Variants in NUP153 observed in about 807,000 individuals in gnomAD.
NUP153 encodes nuclear pore complex protein Nup153.
Under a neutral mutation model 134.6 loss-of-function variants are expected in NUP153, and 27 were observed. The observed-to-expected ratio is 0.20, with a 90% CI of 0.15 to 0.28. NUP153 has a LOEUF of 0.28. Ranked by LOEUF, NUP153 falls within the 10% of genes least tolerant of loss-of-function variation. The pLI, the probability that NUP153 is intolerant of heterozygous loss-of-function variation, is 1.00. For missense variants in NUP153, 1,821 were observed against 1,731.3 expected, an observed-to-expected ratio of 1.05 and a Z score of -0.92; for synonymous variants, 640 against 623.5, an observed-to-expected ratio of 1.03 and a Z score of -0.40.
At chr6:17,624,924 G>A in intron 19 of NUP153, 91 bp from the exon 20 acceptor site, 1 of 1,323,174 alleles carries the variant, frequency 7.6e-7, no homozygotes, top group South Asian at 1.6e-5. Context: ...CAAATGTCAA[G>A]CTTCGTTTCA....
chr6:17,616,572 G>C lies in NUP153; in HGVS notation c.4298C>G (p.Ser1433Trp). The change falls in exon 21 of 22, where the codon TCG (serine) becomes TGG (tryptophan). Residue 1433 changes from serine to tryptophan, a missense_variant. Ser to Trp is a radical substitution (Grantham distance 177). Transcript: ENST00000262077. ...TPAASAQPSGSGGFPFNQSPA... is the reference protein window; with the variant it reads ...TPAASAQPSGWGGFPFNQSPA... ...AGACTGGTTAAATGGAAAGCCCCCC[G>C]AGCCTGAAGGCTGGGCTGAGGCTGC... 3 of 1,614,066 alleles carry C rather than the reference G, an allele frequency of 1.9e-6. No individual in the cohort carries two copies. The highest frequency in any genetic ancestry group is 2.5e-6 in the Non-Finnish European group (3 of 1,179,960).
In NUP153 at chr6:17,706,606, G is replaced by A. The variant is rs1463461592; in HGVS notation, c.-219C>T. 2 of 575,256 alleles carry A rather than the reference G, an allele frequency of 3.5e-6. No individual in the cohort carries two copies. Among genetic ancestry groups the A allele is most frequent in the Admixed American group, 3.2e-5 (1 of 31,468 alleles). The allele number at this position is 575,256 out of a possible 1,614,324, so 35.6% of individuals were successfully genotyped here. A position where few individuals can be genotyped will look rare whatever the true frequency, so the allele number is the denominator to read the frequency against. On this transcript the variant is annotated 5_prime_UTR_variant, in exon 1 of 22. Coordinates refer to ENST00000262077, the MANE Select transcript of NUP153 (RefSeq NM_005124.4). This position sits in a 1 kb window ranked among gnomAD's most constrained non-coding sequence, Gnocchi z 5.9. ...CGGGGAAGGGGGTGGCGGCCGCAGAGGCCGAGGAGGCTCCGGTCCGGCCGC... is the reference window on the plus strand; with the variant it reads ...CGGGGAAGGGGGTGGCGGCCGCAGAAGCCGAGGAGGCTCCGGTCCGGCCGC...
chr6:17,663,826 C>A (rs1767348062), intron 9 of NUP153, among the ~76,000 whole-genome samples: 2 of 152,032 alleles, frequency 1.3e-5, no homozygotes. Context: ...CAGACAAACC[C>A]AGATTATGGG....
chr6:17,662,141 T>C lies in NUP153; in HGVS notation c.1216-71A>G, dbSNP rs991093580. 4.5e-6 allele frequency: 6 copies of C among 1,327,794 alleles called. No homozygotes were observed. The African/African-American group carries it at 7.4e-5, about 16-fold the overall frequency. 82.3% of individuals were successfully genotyped at this position (1,327,794 alleles called of 1,614,324 possible). A position where few individuals can be genotyped will look rare whatever the true frequency, so the allele number is the denominator to read the frequency against. On this transcript the variant is annotated intron_variant, in intron 9 of 21. Transcript: ENST00000262077. Reference sequence around the variant, plus strand: ...ATTTTCTTAGTACCACCTTGCTTCCTATTAATTTTAATATTTAGAATCAGG... The same window carrying C: ...ATTTTCTTAGTACCACCTTGCTTCCCATTAATTTTAATATTTAGAATCAGG...
intron 14 of NUP153, among the ~76,000 whole-genome samples, chr6:17,643,113 C>G (rs1253696409): frequency 6.6e-6 from 1 of 152,142 alleles, no homozygotes; most frequent in African/African-American, 2.4e-5. Context: ...ACAACGCTGT[C>G]AAGGTACTAA....
rs1561864580 is a variant in NUP153 at position 17,637,448 on chromosome 6, T to C, written c.2169A>G (p.Ile723Met). ...AACAGGTATCACAATCCCAAGTGCC[T>C]ATCACTGGTTTAAATTTGTCTCCAA... ...TGFGDKFKPV[I>M]GTWDCDTCLV... Residue 723 changes from isoleucine to methionine, a missense_variant, in exon 16 of 22, where the codon ATA (isoleucine) becomes ATG (methionine). Transcript: ENST00000262077. The C allele has an allele frequency of 4.3e-6, 7 of 1,614,250 alleles. No individual in the cohort carries two copies. Among genetic ancestry groups the C allele is most frequent in the Non-Finnish European group, 4.2e-6 (5 of 1,180,038 alleles).
Position 17,671,559 on chromosome 6 carries a change from A to G in NUP153, c.853-2013T>C, listed in dbSNP as rs1487918810. 2.0e-5 allele frequency among the ~76,000 whole-genome samples: 3 copies of G among 152,328 alleles called. No homozygotes were observed. In the East Asian group the frequency reaches 5.8e-4, roughly 29 times the overall value. On this transcript the variant is annotated intron_variant, in intron 5 of 21. Coordinates refer to ENST00000262077, the MANE Select transcript of NUP153 (RefSeq NM_005124.4). ...AAGTCTAACAAATAAGTCTAACAAA[A>G]TATGTTCGAGATCTGTATGCTGAAC... is the stretch of plus-strand genomic sequence containing the variant.
Position 17,706,340 on chromosome 6 carries a change from G to T in NUP153, c.48C>A (p.Ile16=). Residue 16 remains isoleucine, a synonymous_variant, in exon 1 of 22, where the codon ATC becomes ATA. Transcript: ENST00000262077. This position sits in a 1 kb window ranked among gnomAD's most constrained non-coding sequence, Gnocchi z 5.9. ...GGVGGGGGGK[I]RTRRCHQGPI... ...GCCCCTGGTGGCAACGCCGCGTCCG[G>T]ATCTTGCCGCCACCGCCCCCTCCGA... 2 of 1,613,494 alleles carry T rather than the reference G, an allele frequency of 1.2e-6. No individual in the cohort carries two copies. Among genetic ancestry groups the T allele is most frequent in the Non-Finnish European group, 1.7e-6 (2 of 1,179,770 alleles).
chr6:17,632,859 A>T lies in NUP153; in HGVS notation c.2465-15T>A. ...TACTGAACTTCCTAAAAAAAAAAAA[A>T]AAAACGGGGAGTGGGGGGAGATTTC... is the stretch of plus-strand genomic sequence containing the variant. On this transcript the variant is annotated splice_polypyrimidine_tract_variant and intron_variant, in intron 16 of 21. Coordinates refer to ENST00000262077, the MANE Select transcript of NUP153 (RefSeq NM_005124.4). 1 of 1,540,528 alleles carries T rather than the reference A, an allele frequency of 6.5e-7. No homozygotes were observed. Among genetic ancestry groups the T allele is most frequent in the Non-Finnish European group, 8.7e-7 (1 of 1,152,548 alleles).
In NUP153 at chr6:17,675,279, T is replaced by C. The variant is rs751239485; in HGVS notation, c.673A>G (p.Ser225Gly). Residue 225 changes from serine (S) to glycine (G), a missense_variant, in exon 4 of 22, where the codon AGC becomes GGC. Transcript: ENST00000262077. This position sits in a 1 kb window ranked among gnomAD's most constrained non-coding sequence, Gnocchi z 4.4. ...SHSLSQHTAT[S>G]SKKPAFNLSA... Reference sequence around the variant, plus strand: ...AAGTTGAATGCTGGTTTTTTTGAGCTGGTGGCAGTGTGCTGTGAGAGTGAG... The same window carrying C: ...AAGTTGAATGCTGGTTTTTTTGAGCCGGTGGCAGTGTGCTGTGAGAGTGAG... 1.2e-6 allele frequency: 2 copies of C among 1,614,184 alleles called. No homozygotes were observed. Among genetic ancestry groups the C allele is most frequent in the Admixed American group, 1.7e-5 (1 of 60,016 alleles).
rs373419439 is a variant in NUP153 at position 17,675,466 on chromosome 6, A to C, written c.583+56T>G. ...AAATTACAACCAAGTCAGAAAAAAAACCCATAAAATTTAATGTTACTACCC... is the reference window on the plus strand; with the variant it reads ...AAATTACAACCAAGTCAGAAAAAAACCCCATAAAATTTAATGTTACTACCC... On this transcript the variant is annotated intron_variant, in intron 3 of 21. Coordinates refer to ENST00000262077, the MANE Select transcript of NUP153 (RefSeq NM_005124.4). The surrounding 1 kb of genome is among the most constrained non-coding windows in gnomAD (Gnocchi z 4.4). 15 of 1,584,652 alleles carry C rather than the reference A, an allele frequency of 9.5e-6. No individual in the cohort carries two copies. Among genetic ancestry groups the C allele is most frequent in the Middle Eastern group, 3.5e-4 (2 of 5,708 alleles).
At position 17,706,410 on chromosome 6, in the gene NUP153, G is replaced by A. The variant is rs761175013; in HGVS notation, c.-23C>T. ...CATGGCGGAGCCTCCGCCGCTTCCC[G>A]CTCCGGGGCGGGTAAGGGGGCGGGA... On this transcript the variant is annotated 5_prime_UTR_variant, in exon 1 of 22. Transcript: ENST00000262077. This position sits in a 1 kb window ranked among gnomAD's most constrained non-coding sequence, Gnocchi z 5.9. 4 of 1,587,876 alleles carry A rather than the reference G, an allele frequency of 2.5e-6. No homozygotes were observed. Among genetic ancestry groups the A allele is most frequent in the Non-Finnish European group, 3.4e-6 (4 of 1,161,396 alleles).
Position 17,638,139 on chromosome 6 carries a change from A to G in NUP153, c.1847-369T>C, listed in dbSNP as rs571552497. 5.2e-4 allele frequency among the ~76,000 whole-genome samples: 79 copies of G among 152,144 alleles called. No homozygotes were observed. Among genetic ancestry groups the G allele is most frequent in the Middle Eastern group, 3.4e-3 (1 of 294 alleles). On this transcript the variant is annotated intron_variant, in intron 15 of 21. Transcript: ENST00000262077. The surrounding 1 kb of genome is among the most constrained non-coding windows in gnomAD (Gnocchi z 4.0). The stretch of plus-strand genomic sequence containing the variant: ...TCGCAGTCCTCTTTCTCCTTCATCC[A>G]TTTCTTCTTTTAAGTGTTCCATTGG...
rs1457177949 is a variant in NUP153, at chr6:17,706,060, G to A, written c.111+217C>T. On this transcript the variant is annotated intron_variant, in intron 1 of 21. Coordinates refer to ENST00000262077, the MANE Select transcript of NUP153 (RefSeq NM_005124.4). This position sits in a 1 kb window ranked among gnomAD's most constrained non-coding sequence, Gnocchi z 5.9. The stretch of plus-strand genomic sequence containing the variant: ...CCCTGACCCAGAGAGTTGGGGGAAA[G>A]GCGGCCCAAACCACACGTGTGCGCC... 6.6e-6 allele frequency among the ~76,000 whole-genome samples: 1 copy of A among 152,206 alleles called. No homozygotes were observed. Among genetic ancestry groups the A allele is most frequent in the Non-Finnish European group, 1.5e-5 (1 of 68,034 alleles).
Position 17,632,810 on chromosome 6 carries a change from T to C in NUP153, c.2499A>G (p.Val833=), listed in dbSNP as rs1365607729. The C allele has an allele frequency of 6.8e-7, 1 of 1,459,946 alleles. No individual in the cohort carries two copies. The highest frequency in any genetic ancestry group is 1.5e-5 in the African/African-American group (1 of 65,654). 90.4% of individuals were successfully genotyped at this position (1,459,946 alleles called of 1,614,324 possible). The stretch of plus-strand genomic sequence containing the variant: ...AGCCTCCAGAAGGCAGAGAGACAGG[T>C]ACAGTGCTGCTACTTGAAGCAGGTA... ...SSVPASSSST[V]PVSLPSGGSL... is the part of the protein sequence containing the mutation. Residue 833 remains valine, a synonymous_variant, in exon 17 of 22, where the codon GTA becomes GTG. Transcript: ENST00000262077.
At chr6:17,630,006 C>T (rs1030053892) in intron 17 of NUP153, among the ~76,000 whole-genome samples, 3 of 151,984 alleles carry the variant, frequency 2.0e-5, no homozygotes, top group Non-Finnish European at 2.9e-5. Context: ...CAGCTATAAA[C>T]GAAGAAGGAA....
rs145273505 is a variant in NUP153, at chr6:17,619,869, G to A, written c.4175-3174C>T. ...TCCTAGCAGTTTGGGAGGCCGAGGC[G>A]GGCAGATCACCTGAGGTCAGGAGTT... On this transcript the variant is annotated intron_variant, in intron 20 of 21. Coordinates refer to ENST00000262077, the MANE Select transcript of NUP153 (RefSeq NM_005124.4). Among the ~76,000 whole-genome samples, 379 of 152,078 alleles carry A rather than the reference G, an allele frequency of 2.5e-3. 1 individual carries two copies. Among genetic ancestry groups the A allele is most frequent in the Non-Finnish European group, 3.5e-3 (239 of 67,970 alleles).
At position 17,662,063 on chromosome 6, in the gene NUP153, T is replaced by G. The variant is rs766747214; in HGVS notation, c.1223A>C (p.Tyr408Ser). The change falls in exon 10 of 22, where the codon TAT becomes TCT. Residue 408 changes from tyrosine to serine, a missense_variant. By Grantham distance (144) the Tyr-to-Ser change is moderately radical. Transcript: ENST00000262077. ...QRIDNKCSTG[Y>S]EKNMTPGQNR... ...TTGTCCGGGTGTCATATTTTTTTCATATCCAGTCTGCAGGGGAAATACACA... is the reference window on the plus strand; with the variant it reads ...TTGTCCGGGTGTCATATTTTTTTCAGATCCAGTCTGCAGGGGAAATACACA... 1.9e-6 allele frequency: 3 copies of G among 1,612,802 alleles called. 1 individual carries two copies. The South Asian group carries it at 3.3e-5, about 18-fold the overall frequency.
intron 16 of NUP153, among the ~76,000 whole-genome samples, chr6:17,635,833 A>C (rs1221667666): frequency 6.6e-6 from 1 of 152,250 alleles, no homozygotes; most frequent in Non-Finnish European, 1.5e-5. Flanking sequence ...TCTGCTGAAA[A>C]TGATGGTTCA....
Sources: allele counts gnomAD v4.1 joint callset (sites outside exome capture counted in the v4.1 genomes callset), GRCh38; gene constraint gnomAD v4.1.1; non-coding constraint Gnocchi (gnomAD v3.1); transcripts MANE v1.5; gene names NCBI Gene and HGNC (gene_info 2026-07-23, HGNC 2026-07-21).